Variants in DDR2 observed in about 807,000 individuals in gnomAD.
DDR2 encodes the protein discoidin domain-containing receptor 2.
Under a neutral mutation model 94.9 loss-of-function variants are expected in DDR2, and 27 were observed. The observed-to-expected ratio is 0.28, with a 90% CI of 0.21 to 0.39. The LOEUF (loss-of-function observed/expected upper bound fraction) is 0.39, where lower values mean the gene tolerates loss of function less well. DDR2 is among the 10% of genes least tolerant of loss of function. The probability of loss-of-function intolerance (pLI) is 1.00; values close to 1 mark genes in which losing one functional copy is unlikely to be tolerated. For synonymous variants in DDR2, 382 were observed against 377.2 expected, an observed-to-expected ratio of 1.01 and a Z score of -0.15; for missense variants, 783 against 1,076.0, an observed-to-expected ratio of 0.73 and a Z score of 3.81.
intron 2 of DDR2, among the ~76,000 whole-genome samples, chr1:162,673,058 G>A (rs561052001): frequency 7.9e-5 from 12 of 152,144 alleles, no homozygotes; most frequent in Non-Finnish European, 1.3e-4. Context: ...TTAATTATGG[G>A]CTCTAATTGC....
intron 2 of DDR2, among the ~76,000 whole-genome samples, chr1:162,655,705 C>G (rs901776218): frequency 6.6e-6 from 1 of 152,160 alleles, no homozygotes; most frequent in Admixed American, 6.5e-5. Flanking sequence ...CTTCTCTGCC[C>G]TTACAGGACC....
chr1:162,776,541 C>T (rs572183655), intron 16 of DDR2, among the ~76,000 whole-genome samples, 171 bp downstream of exon 16: 2 of 152,232 alleles, frequency 1.3e-5, no homozygotes, highest in African/African-American at 4.8e-5. Context: ...TAATGCTTGC[C>T]TATTTCTGCT....
At chr1:162,726,548 A>G (rs1398578973) in intron 3 of DDR2, among the ~76,000 whole-genome samples, 1 of 152,228 alleles carries the variant, frequency 6.6e-6, no homozygotes, top group African/African-American at 2.4e-5. Flanking sequence ...TAATGCAAGA[A>G]AAAACAAAGC....
At chr1:162,755,086 CGT>C in intron 5 of DDR2, 68 bp from the exon 6 acceptor site, 1 of 1,601,992 alleles carries the variant, frequency 6.2e-7, no homozygotes, top group South Asian at 1.1e-5. Context: ...CCATCAAAAA[CGT>C]GGTGGGGTGA....
Position 162,761,075 on chromosome 1 carries a change from G to A in DDR2, c.856-136G>A, listed in dbSNP as rs1663715110. Reference sequence around the variant, plus strand: ...CTGAAATGTACCTAGGAGGAAGCAGGATGGCAGTCTTCCTCTTACCTCAGT... The same window carrying A: ...CTGAAATGTACCTAGGAGGAAGCAGAATGGCAGTCTTCCTCTTACCTCAGT... On this transcript the variant is annotated intron_variant, in intron 8 of 17. Coordinates refer to ENST00000367921, the MANE Select transcript of DDR2 (RefSeq NM_006182.4). 9.3e-6 allele frequency: 12 copies of A among 1,293,862 alleles called. No individual in the cohort carries two copies. In the South Asian group the frequency reaches 1.4e-4, roughly 15 times the overall value. 80.1% of individuals were successfully genotyped at this position (1,293,862 alleles called of 1,614,324 possible). A position where few individuals can be genotyped will look rare whatever the true frequency, so the allele number is the denominator to read the frequency against.
chr1:162,664,339 A>G (rs1353515869), intron 2 of DDR2, among the ~76,000 whole-genome samples: 1 of 152,124 alleles, frequency 6.6e-6, no homozygotes, highest in Non-Finnish European at 1.5e-5. Flanking sequence ...TACGTGAATA[A>G]CCTTAAAAAT....
Position 162,666,955 on chromosome 1 carries a change from AAT to A in DDR2, c.-28+11596_-28+11597del, listed in dbSNP as rs765426746. On this transcript the variant is annotated intron_variant, in intron 2 of 17. Coordinates refer to ENST00000367921, the MANE Select transcript of DDR2 (RefSeq NM_006182.4). ...ATGAATATATATATGCAAACTCATA[AAT>A]ATATATATATATATCTCCATGCAAC... Among the ~76,000 whole-genome samples the A allele has an allele frequency of 2.2e-3, 327 of 148,380 alleles. 1 individual carries two copies. The highest frequency in any genetic ancestry group is 6.8e-3 in the African/African-American group (279 of 40,770).
intron 3 of DDR2, among the ~76,000 whole-genome samples, chr1:162,747,234 G>A (rs1178598117): frequency 2.0e-5 from 3 of 150,914 alleles, no homozygotes; most frequent in Non-Finnish European, 4.5e-5. Flanking sequence ...GAAGTTTGGA[G>A]GATGTTCAAA....
rs1489408281 is a variant in DDR2 at position 162,716,220 on chromosome 1, G to A, written c.-27-2817G>A. Among the ~76,000 whole-genome samples, 3 of 152,288 alleles carry A rather than the reference G, an allele frequency of 2.0e-5. No homozygotes were observed. The East Asian group carries it at 5.8e-4, about 29-fold the overall frequency. ...TTATTGGGGAAGGTTATGGAGGGGA[G>A]GAAGTTACGGCCAGTAACCCATGAG... On this transcript the variant is annotated intron_variant, in intron 2 of 17. Transcript: ENST00000367921.
chr1:162,635,381 C>T (rs538598889), intron 1 of DDR2, among the ~76,000 whole-genome samples: 1 of 152,280 alleles, frequency 6.6e-6, no homozygotes, highest in South Asian at 2.1e-4. Flanking sequence ...CCCAAGCTCC[C>T]TTACAAGATC....
At chr1:162,760,003 A>G in intron 8 of DDR2, 24 bp downstream of exon 8, 5 of 1,613,968 alleles carry the variant, frequency 3.1e-6, no homozygotes, top group Non-Finnish European at 4.2e-6. Flanking sequence ...GGTGTGGTGG[A>G]ACTTCTTTAA....
chr1:162,770,997 C>T (rs1238944535), intron 12 of DDR2, among the ~76,000 whole-genome samples: 1 of 152,194 alleles, frequency 6.6e-6, no homozygotes, highest in African/African-American at 2.4e-5. Flanking sequence ...TAAATAACTA[C>T]TTGAGTTATC....
chr1:162,686,231 G>A (rs1472832431), intron 2 of DDR2, among the ~76,000 whole-genome samples: 1 of 152,006 alleles, frequency 6.6e-6, no homozygotes, highest in Non-Finnish European at 1.5e-5. Context: ...TTAAGTTCTG[G>A]GATACATGTG....
At chr1:162,672,306 A>T (rs1458729487) in intron 2 of DDR2, among the ~76,000 whole-genome samples, 1 of 152,210 alleles carries the variant, frequency 6.6e-6, no homozygotes, top group African/African-American at 2.4e-5. Flanking sequence ...TATAAAAAAA[A>T]GTCTGACATA....
intron 10 of DDR2, 150 bp from the exon 11 acceptor site, chr1:162,767,079 A>T: frequency 8.7e-7 from 1 of 1,149,264 alleles, no homozygotes; most frequent in African/African-American, 1.6e-5. Context: ...AACAGTAGCA[A>T]GAGCAAGAAT....
intron 2 of DDR2, among the ~76,000 whole-genome samples, chr1:162,690,760 T>A (rs1659927591): frequency 6.6e-6 from 1 of 152,208 alleles, no homozygotes; most frequent in Non-Finnish European, 1.5e-5. Context: ...AATTTTTGTT[T>A]GAATCACACA....
At chr1:162,705,333 C>T (rs943333361) in intron 2 of DDR2, among the ~76,000 whole-genome samples, 1 of 152,238 alleles carries the variant, frequency 6.6e-6, no homozygotes, top group Admixed American at 6.5e-5. Flanking sequence ...TCCCTGAAAG[C>T]GACTGTGTGG....
intron 12 of DDR2, chr1:162,770,847 C>T (rs1664234660): frequency 2.6e-6 from 1 of 378,830 alleles, no homozygotes; most frequent in African/African-American, 2.1e-5. Context: ...GTGAGAAAGT[C>T]CAGATAGAGT....
chr1:162,770,151 C>T lies in DDR2; in HGVS notation c.1294-151C>T. The T allele has an allele frequency of 8.9e-6, 7 of 783,780 alleles. No homozygotes were observed. In the South Asian group the frequency reaches 9.8e-5, roughly 11 times the overall value. The allele number at this position is 783,780 out of a possible 1,614,324, so 48.6% of individuals were successfully genotyped here. The stretch of plus-strand genomic sequence containing the variant: ...TCCTACAACACAGGCATTTGTGGAA[C>T]CAGACTGCATTCCTAGCACGTGCAG... On this transcript the variant is annotated intron_variant, in intron 11 of 17. Coordinates refer to ENST00000367921, the MANE Select transcript of DDR2 (RefSeq NM_006182.4).
Sources: allele counts gnomAD v4.1 joint callset (sites outside exome capture counted in the v4.1 genomes callset), GRCh38; gene constraint gnomAD v4.1.1; transcripts MANE v1.5; gene names NCBI Gene and HGNC (gene_info 2026-07-23, HGNC 2026-07-21).